NAALADL2: variants seen among roughly 807,000 people sequenced by gnomAD.
NAALADL2 encodes the protein inactive N-acetylated-alpha-linked acidic dipeptidase-like protein 2.
Under a neutral mutation model 87.2 loss-of-function variants are expected in NAALADL2, and 76 were observed. The observed-to-expected ratio is 0.87, with a 90% confidence interval of 0.72 to 1.05. NAALADL2 has a LOEUF of 1.05. Ranked by LOEUF, NAALADL2 falls within the 50% of genes least tolerant of loss-of-function variation. The probability of loss-of-function intolerance (pLI) is 0.00; values close to 1 mark genes in which losing one functional copy is unlikely to be tolerated. For missense variants in NAALADL2, 1,089 were observed against 945.8 expected (o/e 1.15, Z -1.99); for synonymous variants, 354 against 331.0 (o/e 1.07, Z -0.75).
intron 5 of NAALADL2, among the ~76,000 whole-genome samples, chr3:175,379,156 C>T (rs560762800): frequency 4.1e-4 from 62 of 150,638 alleles, no homozygotes; most frequent in African/African-American, 1.5e-3. Flanking sequence ...AGATTGCATC[C>T]TTGGGCAAGT....
chr3:175,033,812 A>G (rs1026295130), intron 1 of NAALADL2, among the ~76,000 whole-genome samples: 1 of 152,136 alleles, frequency 6.6e-6, no homozygotes, highest in South Asian at 2.1e-4. Context: ...GTGAAGCGCC[A>G]TCTTGAATTT....
At chr3:175,770,507 A>G (rs1433859626) in intron 13 of NAALADL2, among the ~76,000 whole-genome samples, 1 of 152,240 alleles carries the variant, frequency 6.6e-6, no homozygotes, top group Non-Finnish European at 1.5e-5. Context: ...ATCCTAATGT[A>G]GACTAAAAAT....
chr3:175,006,338 A>G (rs1445514234), intron 1 of NAALADL2, among the ~76,000 whole-genome samples: 5 of 152,100 alleles, frequency 3.3e-5, no homozygotes, highest in Non-Finnish European at 5.9e-5. Context: ...TTGTTTCTAT[A>G]TACTATACTT....
At chr3:175,776,931 A>G (rs973551706) in intron 13 of NAALADL2, among the ~76,000 whole-genome samples, 3 of 152,190 alleles carry the variant, frequency 2.0e-5, no homozygotes, top group Non-Finnish European at 4.4e-5. Context: ...ACAGATTTAA[A>G]TGTTTAGGGT....
At chr3:175,149,130 G>T (rs1165293774) in intron 2 of NAALADL2, among the ~76,000 whole-genome samples, 1 of 152,002 alleles carries the variant, frequency 6.6e-6, no homozygotes, top group Non-Finnish European at 1.5e-5. Context: ...ATTTCTTTCA[G>T]CAGTGTTTTG....
intron 5 of NAALADL2, among the ~76,000 whole-genome samples, chr3:175,383,814 A>G (rs936822616): frequency 6.6e-6 from 1 of 152,086 alleles, no homozygotes; most frequent in African/African-American, 2.4e-5. Flanking sequence ...AGAGAGAAAT[A>G]TAGTTTACTA....
At chr3:174,850,794 C>A (rs934920061) in intron 3 of NAALADL2, among the ~76,000 whole-genome samples, 3 of 152,040 alleles carry the variant, frequency 2.0e-5, no homozygotes, top group Non-Finnish European at 4.4e-5. Flanking sequence ...TTTTATCCAA[C>A]AAATGCAGAA....
intron 2 of NAALADL2, among the ~76,000 whole-genome samples, chr3:174,604,977 T>C (rs1246314385): frequency 6.6e-6 from 1 of 152,054 alleles, no homozygotes; most frequent in East Asian, 1.9e-4. Context: ...GATCTTGAAC[T>C]CCTGACCTCA....
chr3:174,808,792 A>G (rs974182342), intron 3 of NAALADL2, among the ~76,000 whole-genome samples: 1 of 151,882 alleles, frequency 6.6e-6, no homozygotes, highest in Non-Finnish European at 1.5e-5. Context: ...CATATTTTCA[A>G]TTAAAAAAAA....
chr3:174,861,088 T>C (rs1295671282), intron 1 of NAALADL2, among the ~76,000 whole-genome samples: 1 of 152,122 alleles, frequency 6.6e-6, no homozygotes, highest in Non-Finnish European at 1.5e-5. Flanking sequence ...ATCAGTTATA[T>C]ACTAGGGAGT....
chr3:174,865,225 A>C (rs1727006801), intron 1 of NAALADL2, among the ~76,000 whole-genome samples: 1 of 152,078 alleles, frequency 6.6e-6, no homozygotes, highest in East Asian at 1.9e-4. Flanking sequence ...CCTACCAACT[A>C]AAAAAGTCGA....
At chr3:175,175,324 C>T (rs1735549801) in intron 2 of NAALADL2, among the ~76,000 whole-genome samples, 1 of 152,008 alleles carries the variant, frequency 6.6e-6, no homozygotes, top group African/African-American at 2.4e-5. Context: ...AAAATTCCAA[C>T]ATAGCCTTAA....
chr3:174,526,541 G>A (rs889674710), intron 1 of NAALADL2, among the ~76,000 whole-genome samples: 1 of 152,144 alleles, frequency 6.6e-6, no homozygotes, highest in African/African-American at 2.4e-5. Context: ...GTGGTAAATG[G>A]ATCATGATAA....
At position 175,722,531 on chromosome 3, in the gene NAALADL2, G is replaced by A. The variant is rs137974265; in HGVS notation, c.1897-14775G>A. On this transcript the variant is annotated intron_variant, in intron 11 of 13. Transcript: ENST00000454872. ...GAATTCTTGCTACCCCTACAAAGACGTTGTTAGCAATTTATCATAACGAAG... is the reference window on the plus strand; with the variant it reads ...GAATTCTTGCTACCCCTACAAAGACATTGTTAGCAATTTATCATAACGAAG... Among the ~76,000 whole-genome samples the A allele has an allele frequency of 3.2e-3, 480 of 152,146 alleles. 2 individuals carry two copies. The highest frequency in any genetic ancestry group is 0.011 in the African/African-American group (463 of 41,518).
intron 1 of NAALADL2, among the ~76,000 whole-genome samples, chr3:175,026,482 T>TTA (rs776630810): frequency 1.2e-5 from 1 of 85,480 alleles, no homozygotes; most frequent in Non-Finnish European, 2.3e-5. Context: ...CCGTCTCTAC[T>TTA]AAAAAAAAAA....
At chr3:175,037,306 C>G (rs372301719) in intron 1 of NAALADL2, among the ~76,000 whole-genome samples, 1 of 152,136 alleles carries the variant, frequency 6.6e-6, no homozygotes, top group African/African-American at 2.4e-5. Context: ...TGCAACCAAG[C>G]ACTCTGCTAG....
chr3:174,734,877 T>C (rs1733040949), intron 2 of NAALADL2, among the ~76,000 whole-genome samples: 1 of 152,152 alleles, frequency 6.6e-6, no homozygotes, highest in African/African-American at 2.4e-5. Context: ...TATTATTTCT[T>C]ATGTAAAGCT....
At chr3:174,870,087 GTA>G (rs1450629793) in intron 1 of NAALADL2, among the ~76,000 whole-genome samples, 1 of 151,192 alleles carries the variant, frequency 6.6e-6, no homozygotes, top group Admixed American at 6.6e-5. Flanking sequence ...GTGTGTGTGT[GTA>G]TGAGTGTGTG....
intron 3 of NAALADL2, among the ~76,000 whole-genome samples, chr3:174,852,907 C>T (rs912946900): frequency 5.9e-5 from 9 of 152,028 alleles, no homozygotes; most frequent in Admixed American, 2.6e-4. Flanking sequence ...TAAATCCATA[C>T]ATATACCACA....
Sources: allele counts gnomAD v4.1 joint callset (sites outside exome capture counted in the v4.1 genomes callset), GRCh38; gene constraint gnomAD v4.1.1; transcripts MANE v1.5; gene names NCBI Gene and HGNC (gene_info 2026-07-23, HGNC 2026-07-21).